GRK5: variants seen among roughly 807,000 people sequenced by gnomAD.
The protein encoded by GRK5 is G protein-coupled receptor kinase 5.
Under a neutral mutation model 78.4 loss-of-function variants are expected in GRK5, and 40 were observed. The ratio of observed to expected loss-of-function variants is 0.51; its 90% CI spans 0.40 to 0.66. The LOEUF is 0.66. Ranked by LOEUF, GRK5 falls within the 30% of genes least tolerant of loss-of-function variation. The pLI, the probability that GRK5 is intolerant of heterozygous loss-of-function variation, is 0.00. For missense variants in GRK5, 598 were observed against 759.9 expected (o/e 0.79, Z 2.50); for synonymous variants, 289 against 296.8 (o/e 0.97, Z 0.27).
chr10:119,347,913 C>T (rs559171074), intron 2 of GRK5, among the ~76,000 whole-genome samples: 33 of 152,336 alleles, frequency 2.2e-4, no homozygotes, highest in African/African-American at 7.7e-4. Flanking sequence ...GCCGAGGCTG[C>T]CACCACTTGT....
At chr10:119,413,306 G>A (rs546656992) in intron 4 of GRK5, among the ~76,000 whole-genome samples, 1 of 151,676 alleles carries the variant, frequency 6.6e-6, no homozygotes, top group African/African-American at 2.4e-5. Context: ...ACAAAGGCAG[G>A]AGGCAGAGCA....
intron 1 of GRK5, among the ~76,000 whole-genome samples, chr10:119,324,237 G>A (rs1185283794): frequency 6.6e-6 from 1 of 152,242 alleles, no homozygotes; most frequent in Admixed American, 6.5e-5. Context: ...GCTCAGGCTG[G>A]GGTCTTGGCT....
intron 1 of GRK5, among the ~76,000 whole-genome samples, chr10:119,261,495 G>A (rs1849399066): frequency 6.6e-6 from 1 of 151,660 alleles, no homozygotes; most frequent in Admixed American, 6.6e-5. Flanking sequence ...CCCAGACGGG[G>A]TGGCGGCCGG....
chr10:119,237,532 G>A (rs1848953202), intron 1 of GRK5, among the ~76,000 whole-genome samples: 1 of 152,210 alleles, frequency 6.6e-6, no homozygotes. Context: ...TTAGAAATAG[G>A]ACTATGTTGG....
At chr10:119,266,702 A>G (rs1043557969) in intron 1 of GRK5, among the ~76,000 whole-genome samples, 1 of 112,156 alleles carries the variant, frequency 8.9e-6, no homozygotes, top group East Asian at 2.8e-4. Flanking sequence ...GCTTTTTCTT[A>G]TTGCTTCTGC....
intron 1 of GRK5, among the ~76,000 whole-genome samples, chr10:119,275,306 GA>G (rs1035024359): frequency 1.3e-5 from 2 of 152,158 alleles, no homozygotes; most frequent in Admixed American, 1.3e-4. Context: ...TGACCTACTA[GA>G]AATGGGATCA....
chr10:119,239,229 G>T (rs1211555813), intron 1 of GRK5, among the ~76,000 whole-genome samples: 1 of 151,218 alleles, frequency 6.6e-6, no homozygotes, highest in African/African-American at 2.4e-5. Context: ...TCCTTAAGGA[G>T]CAGAAGGTTT....
chr10:119,304,581 G>C (rs766829646), intron 1 of GRK5, among the ~76,000 whole-genome samples: 14 of 152,170 alleles, frequency 9.2e-5, no homozygotes, highest in Non-Finnish European at 1.5e-4. Flanking sequence ...AGAAACTGAG[G>C]CTCAAAGAGC....
Position 119,452,066 on chromosome 10 carries a change from C to T in GRK5, c.1405-605C>T, listed in dbSNP as rs1048745800. The stretch of plus-strand genomic sequence containing the variant: ...TCTCTGCCCTGGCATAGAGCAGGCC[C>T]CCAGTGCACAGCTGAGGGACGAGTA... On this transcript the variant is annotated intron_variant, in intron 13 of 15. Transcript: ENST00000392870. The surrounding 1 kb of genome is among the most constrained non-coding windows in gnomAD (Gnocchi z 4.4). 7.9e-5 allele frequency among the ~76,000 whole-genome samples: 12 copies of T among 152,152 alleles called. No individual in the cohort carries two copies. The highest frequency in any genetic ancestry group is 1.8e-4 in the Non-Finnish European group (12 of 68,020).
chr10:119,222,759 C>T (rs953947294), intron 1 of GRK5, among the ~76,000 whole-genome samples: 5 of 152,202 alleles, frequency 3.3e-5, no homozygotes, highest in Non-Finnish European at 7.3e-5. Context: ...AAGGGCTGCC[C>T]CTTCACTGCG....
intron 1 of GRK5, among the ~76,000 whole-genome samples, chr10:119,261,078 G>A (rs1403511508): frequency 2.1e-5 from 3 of 141,510 alleles, no homozygotes; most frequent in Non-Finnish European, 4.7e-5. Flanking sequence ...CTGGCCGGGC[G>A]GAGACGCTCC....
At chr10:119,383,999 G>A (rs1336710118) in intron 3 of GRK5, among the ~76,000 whole-genome samples, 1 of 152,188 alleles carries the variant, frequency 6.6e-6, no homozygotes, top group Non-Finnish European at 1.5e-5. Flanking sequence ...TAAAGTCCAG[G>A]TTCCGAGGCT....
chr10:119,363,536 C>T (rs924540367), intron 2 of GRK5, among the ~76,000 whole-genome samples: 1 of 152,206 alleles, frequency 6.6e-6, no homozygotes, highest in African/African-American at 2.4e-5. Flanking sequence ...GTTTGTCCCT[C>T]ATGGAACAGT....
chr10:119,408,111 C>A (rs1852272626), intron 4 of GRK5, among the ~76,000 whole-genome samples: 1 of 146,302 alleles, frequency 6.8e-6, no homozygotes, highest in African/African-American at 2.5e-5. Flanking sequence ...TGTGGTGAGC[C>A]CAGATTGCAT....
chr10:119,210,418 C>T (rs1564849250), intron 1 of GRK5, among the ~76,000 whole-genome samples: 2 of 152,030 alleles, frequency 1.3e-5, no homozygotes, highest in African/African-American at 2.4e-5. Context: ...AGACTTGAGC[C>T]CATATATCCT....
chr10:119,317,348 GT>G (rs1181710947), intron 1 of GRK5, among the ~76,000 whole-genome samples: 21 of 508 alleles, frequency 0.041, no homozygotes, highest in East Asian at 0.091. Flanking sequence ...CAGTAGATGG[GT>G]GTGTGTGTGT....
At chr10:119,359,955 G>A (rs566112484) in intron 2 of GRK5, among the ~76,000 whole-genome samples, 2 of 151,964 alleles carry the variant, frequency 1.3e-5, no homozygotes, top group Non-Finnish European at 2.9e-5. Context: ...GGAGGCTGAG[G>A]GGGCTTGAGG....
At chr10:119,351,393 G>T (rs112828291) in intron 2 of GRK5, among the ~76,000 whole-genome samples, 282 of 152,258 alleles carry the variant, frequency 1.9e-3, no homozygotes, top group African/African-American at 6.5e-3. Flanking sequence ...AATCATGGGG[G>T]TGGTTTCTCC....
intron 3 of GRK5, among the ~76,000 whole-genome samples, chr10:119,381,759 C>T (rs948241500): frequency 3.3e-5 from 5 of 152,122 alleles, no homozygotes; most frequent in African/African-American, 1.2e-4. Flanking sequence ...CCCTCCCCTC[C>T]CCGCCAGGTG....
Sources: allele counts gnomAD v4.1 joint callset (sites outside exome capture counted in the v4.1 genomes callset), GRCh38; gene constraint gnomAD v4.1.1; non-coding constraint Gnocchi (gnomAD v3.1); transcripts MANE v1.5; gene names NCBI Gene and HGNC (gene_info 2026-07-23, HGNC 2026-07-21).